The following PCDHGA2 variants were observed in gnomAD, a reference collection of about 807,000 sequenced individuals.
PCDHGA2 encodes protocadherin gamma subfamily A, 2, also known as protocadherin gamma-A2.
A neutral mutation model predicts 59.2 loss-of-function variants in PCDHGA2; 40 were observed. That is an observed-to-expected ratio of 0.68 (90% confidence interval 0.52 to 0.88). PCDHGA2 has a LOEUF of 0.88. Among genes scored for constraint, PCDHGA2 ranks in the 40% least tolerant of loss-of-function variants. The pLI is 0.00. For missense variants in PCDHGA2, 1,226 were observed against 1,204.0 expected, an observed-to-expected ratio of 1.02 and a Z score of -0.27; for synonymous variants, 560 against 526.0, an observed-to-expected ratio of 1.06 and a Z score of -0.89.
chr5:141,500,484 C>T (rs2099800696), intron 2 of PCDHGA2, among the ~76,000 whole-genome samples: 1 of 152,304 alleles, frequency 6.6e-6, no homozygotes, highest in Non-Finnish European at 1.5e-5. Context: ...GCTGGGATTA[C>T]AGGCGTGAGC....
chr5:141,414,066 A>G, intron 1 of PCDHGA2: 2 of 1,608,358 alleles, frequency 1.2e-6, no homozygotes, highest in African/African-American at 1.3e-5. Context: ...TGAAGTTCCA[A>G]CTAAACAAAT....
At chr5:141,359,554 T>C (rs1206775223) in intron 1 of PCDHGA2, among the ~76,000 whole-genome samples, 1 of 151,518 alleles carries the variant, frequency 6.6e-6, no homozygotes, top group Non-Finnish European at 1.5e-5. Flanking sequence ...AGGAAAGCTC[T>C]CTATGTACTG....
chr5:141,418,330 A>C (rs1346623372), intron 1 of PCDHGA2: 2 of 1,613,922 alleles, frequency 1.2e-6, no homozygotes, highest in Admixed American at 1.7e-5. Flanking sequence ...TTGAGTCTGC[A>C]GAAGATCCTG....
intron 1 of PCDHGA2, chr5:141,357,177 A>G (rs553735301): frequency 3.7e-6 from 6 of 1,613,562 alleles, no homozygotes; most frequent in Non-Finnish European, 5.1e-6. Context: ...CCACCGTCAC[A>G]CTCACTGTGG....
Position 141,432,809 on chromosome 5 carries a change from T to A in PCDHGA2, c.2425-61998T>A. ...CGGCAGCCTCGAGTCTCCAGCTAAC[T>A]CTGAAACCTCAGACCTCACTCTGTA... is the stretch of plus-strand genomic sequence containing the variant. On this transcript the variant is annotated intron_variant, in intron 1 of 3. Coordinates refer to ENST00000394576, the MANE Select transcript of PCDHGA2 (RefSeq NM_018915.4). This position sits in a 1 kb window ranked among gnomAD's most constrained non-coding sequence, Gnocchi z 6.0. The A allele has an allele frequency of 6.2e-7, 1 of 1,613,398 alleles. No homozygotes were observed. Among genetic ancestry groups the A allele is most frequent in the Non-Finnish European group, 8.5e-7 (1 of 1,179,980 alleles).
At chr5:141,364,743 T>C in intron 1 of PCDHGA2, 1 of 1,613,916 alleles carries the variant, frequency 6.2e-7, no homozygotes, top group Non-Finnish European at 8.5e-7. Flanking sequence ...GATGAAGAGT[T>C]AAAAGTAAAA....
intron 1 of PCDHGA2, among the ~76,000 whole-genome samples, chr5:141,460,995 A>G (rs566978077): frequency 1.1e-4 from 17 of 150,188 alleles, no homozygotes; most frequent in South Asian, 2.1e-4. Flanking sequence ...ATATATATAT[A>G]TGTGTATATA....
intron 1 of PCDHGA2, chr5:141,388,690 A>T: frequency 6.2e-7 from 1 of 1,614,030 alleles, no homozygotes; most frequent in Middle Eastern, 1.6e-4. Context: ...GCCACGGACC[A>T]GGATGAGGGT....
In PCDHGA2 at chr5:141,357,092, C is replaced by T. The variant is rs763316267; in HGVS notation, c.2424+15697C>T. 2.5e-5 allele frequency: 41 copies of T among 1,613,756 alleles called. No homozygotes were observed. In the East Asian group the frequency reaches 9.1e-4, roughly 36 times the overall value. ...ACAGGCGAGGTGCGCACCGCACGGG[C>T]CCTGCTGGACAGAGACGCGCTCAAG... is the stretch of plus-strand genomic sequence containing the variant. On this transcript the variant is annotated intron_variant, in intron 1 of 3. Coordinates refer to ENST00000394576, the MANE Select transcript of PCDHGA2 (RefSeq NM_018915.4).
chr5:141,432,685 C>T lies in PCDHGA2; in HGVS notation c.2425-62122C>T, dbSNP rs1561863583. 1 of 1,613,932 alleles carries T rather than the reference C, an allele frequency of 6.2e-7. No individual in the cohort carries two copies. The highest frequency in any genetic ancestry group is 1.7e-5 in the Admixed American group (1 of 60,020). ...ACAGAGACGCGCTCAAGCAGAGCCT[C>T]GTAGTGGCCGTCCAGGACCACGGCC... On this transcript the variant is annotated intron_variant, in intron 1 of 3. Coordinates refer to ENST00000394576, the MANE Select transcript of PCDHGA2 (RefSeq NM_018915.4). This position sits in a 1 kb window ranked among gnomAD's most constrained non-coding sequence, Gnocchi z 6.0.
intron 1 of PCDHGA2, among the ~76,000 whole-genome samples, chr5:141,455,580 T>C (rs572453788): frequency 6.6e-6 from 1 of 152,142 alleles, no homozygotes; most frequent in East Asian, 1.9e-4. Flanking sequence ...ACCCCAGCCT[T>C]TTAATATGCA....
chr5:141,388,040 G>T (rs1561617548), intron 1 of PCDHGA2: 1 of 1,412,752 alleles, frequency 7.1e-7, no homozygotes, highest in East Asian at 2.5e-5. Context: ...ACCTCGCCAC[G>T]GACCTGGGGT....
chr5:141,491,507 C>A lies in PCDHGA2; in HGVS notation c.2425-3300C>A, dbSNP rs755899622. 1.9e-6 allele frequency: 3 copies of A among 1,614,038 alleles called. No individual in the cohort carries two copies. The highest frequency in any genetic ancestry group is 1.6e-4 in the Middle Eastern group (1 of 6,062). Reference sequence around the variant, plus strand: ...AACCTGCAGGTGAGCTCGGACGGCACGCTCAAGTACATGGAGGTGACGCTG... The same window carrying A: ...AACCTGCAGGTGAGCTCGGACGGCAAGCTCAAGTACATGGAGGTGACGCTG... On this transcript the variant is annotated intron_variant, in intron 1 of 3. Transcript: ENST00000394576. The surrounding 1 kb of genome is among the most constrained non-coding windows in gnomAD (Gnocchi z 6.9).
chr5:141,486,091 G>A lies in PCDHGA2; in HGVS notation c.2425-8716G>A, dbSNP rs2099624256. On this transcript the variant is annotated intron_variant, in intron 1 of 3. Coordinates refer to ENST00000394576, the MANE Select transcript of PCDHGA2 (RefSeq NM_018915.4). This position sits in a 1 kb window ranked among gnomAD's most constrained non-coding sequence, Gnocchi z 5.0. ...CTACTGGAAAGCTTACTCTTTTGGGGCCCCTAGACTTTGAGAGTGAGAATT... is the reference window on the plus strand; with the variant it reads ...CTACTGGAAAGCTTACTCTTTTGGGACCCCTAGACTTTGAGAGTGAGAATT... 2 of 1,614,158 alleles carry A rather than the reference G, an allele frequency of 1.2e-6. No homozygotes were observed. Among genetic ancestry groups the A allele is most frequent in the Non-Finnish European group, 1.7e-6 (2 of 1,180,024 alleles).
intron 1 of PCDHGA2, chr5:141,418,575 C>T (rs2154547779): frequency 6.2e-7 from 1 of 1,614,018 alleles, no homozygotes; most frequent in East Asian, 2.2e-5. Context: ...AATGACAACC[C>T]CCCAGTGTTC....
rs1414210927 is a variant in PCDHGA2, at chr5:141,477,460, C to G, written c.2425-17347C>G. 1.9e-6 allele frequency: 3 copies of G among 1,614,014 alleles called. No homozygotes were observed. The highest frequency in any genetic ancestry group is 2.5e-6 in the Non-Finnish European group (3 of 1,180,028). On this transcript the variant is annotated intron_variant, in intron 1 of 3. Transcript: ENST00000394576. The surrounding 1 kb of genome is among the most constrained non-coding windows in gnomAD (Gnocchi z 4.9). ...TTACAATAGTGCGTGTTCAAGTGTC[C>G]GACATCAATGACAACCCTCCACAAT...
At chr5:141,478,231 T>C (rs1423148) in intron 1 of PCDHGA2, 739,438 of 1,613,786 alleles carry the variant, frequency 0.46, 177,434 homozygotes, top group African/African-American at 0.83. Flanking sequence ...CTGTGGGGTT[T>C]GTGGTCACAG....
intron 1 of PCDHGA2, among the ~76,000 whole-genome samples, chr5:141,434,225 G>A (rs1591320318): frequency 6.6e-6 from 1 of 152,146 alleles, no homozygotes; most frequent in African/African-American, 2.4e-5. Flanking sequence ...AACAAAGTAC[G>A]ATTTCTGGAC....
At chr5:141,465,856 C>T (rs1442431032) in intron 1 of PCDHGA2, among the ~76,000 whole-genome samples, 1 of 152,184 alleles carries the variant, frequency 6.6e-6, no homozygotes, top group East Asian at 1.9e-4. Context: ...GGCCCAGTGG[C>T]TCATGCCTGT....
Sources: allele counts gnomAD v4.1 joint callset (sites outside exome capture counted in the v4.1 genomes callset), GRCh38; gene constraint gnomAD v4.1.1; non-coding constraint Gnocchi (gnomAD v3.1); transcripts MANE v1.5; gene names NCBI Gene and HGNC (gene_info 2026-07-23, HGNC 2026-07-21).